MAN1C1: variants seen among roughly 807,000 people sequenced by gnomAD.
The protein encoded by MAN1C1 is mannosidase alpha class 1C member 1.
MAN1C1 carries 49 observed loss-of-function variants against 71.5 expected under a neutral mutation model. The ratio of observed to expected loss-of-function variants is 0.69; its 90% confidence interval spans 0.54 to 0.87. MAN1C1 has a LOEUF of 0.87. Ranked by LOEUF, MAN1C1 falls within the 40% of genes least tolerant of loss-of-function variation. The pLI is 0.00. For synonymous variants in MAN1C1, 352 were observed against 343.7 expected (o/e 1.02, Z -0.27); for missense variants, 743 against 835.0 (o/e 0.89, Z 1.36).
intron 1 of MAN1C1, among the ~76,000 whole-genome samples, chr1:25,657,313 C>G (rs2045782070): frequency 6.6e-6 from 1 of 152,202 alleles, no homozygotes; most frequent in Admixed American, 6.5e-5. Flanking sequence ...TTCTCAGTGC[C>G]TCTTCCCCAG....
At position 25,744,766 on chromosome 1, in the gene MAN1C1, G is replaced by T. The variant is rs190410891; in HGVS notation, c.638-1902G>T. On this transcript the variant is annotated intron_variant, in intron 2 of 11. Transcript: ENST00000374332. ...GTCAACACAAGTGAGCAGTTAGGAA[G>T]CACTCATTAAGGAGATTAGAGGCTA... 4.1e-4 allele frequency among the ~76,000 whole-genome samples: 63 copies of T among 152,346 alleles called. No homozygotes were observed. In the East Asian group the frequency reaches 0.012, roughly 29 times the overall value.
At position 25,778,418 on chromosome 1, in the gene MAN1C1, T is replaced by C. The variant is rs2047650525; in HGVS notation, c.1477+94T>C. 3.9e-6 allele frequency: 5 copies of C among 1,289,118 alleles called. 1 individual carries two copies. In the African/African-American group the frequency reaches 6.0e-5, roughly 15 times the overall value. 79.9% of individuals were successfully genotyped at this position (1,289,118 alleles called of 1,614,324 possible). ...GGCAGCAGTGAGCGAAGGGAGCACA[T>C]GGCCTTAGGGAAGCCTCCCCTTGGA... On this transcript the variant is annotated intron_variant, in intron 9 of 11. Coordinates refer to ENST00000374332, the MANE Select transcript of MAN1C1 (RefSeq NM_020379.4). This position sits in a 1 kb window ranked among gnomAD's most constrained non-coding sequence, Gnocchi z 5.5.
chr1:25,637,370 A>G (rs1330604777), intron 1 of MAN1C1, among the ~76,000 whole-genome samples: 2 of 152,040 alleles, frequency 1.3e-5, no homozygotes, highest in African/African-American at 2.4e-5. Flanking sequence ...TTAATTTTCC[A>G]GATATCTTTT....
At chr1:25,767,942 C>A (rs2047468413) in intron 7 of MAN1C1, among the ~76,000 whole-genome samples, 1 of 122,400 alleles carries the variant, frequency 8.2e-6, no homozygotes, top group Non-Finnish European at 1.7e-5. Context: ...CACACACCCA[C>A]ACTCCCCTCA....
chr1:25,689,784 G>A (rs2046281890), intron 2 of MAN1C1, among the ~76,000 whole-genome samples: 2 of 152,230 alleles, frequency 1.3e-5, no homozygotes, highest in Non-Finnish European at 2.9e-5. Context: ...TCAGGTGGCA[G>A]GTTGTGCCCA....
At position 25,764,808 on chromosome 1, in the gene MAN1C1, G is replaced by A. The variant is rs2047406968; in HGVS notation, c.1141+841G>A. 6.6e-6 allele frequency among the ~76,000 whole-genome samples: 1 copy of A among 152,106 alleles called. No homozygotes were observed. The highest frequency in any genetic ancestry group is 6.5e-5 in the Admixed American group (1 of 15,280). ...CATGAATTCAGGCCAAGCACCTGAC[G>A]GGAGGCCGAGGCAGGCGGATCACGA... On this transcript the variant is annotated intron_variant, in intron 7 of 11. Coordinates refer to ENST00000374332, the MANE Select transcript of MAN1C1 (RefSeq NM_020379.4). The surrounding 1 kb of genome is among the most constrained non-coding windows in gnomAD (Gnocchi z 4.4).
chr1:25,658,016 G>C (rs905707944), intron 1 of MAN1C1, among the ~76,000 whole-genome samples: 1 of 152,214 alleles, frequency 6.6e-6, no homozygotes, highest in Non-Finnish European at 1.5e-5. Context: ...GCCCTGTGGT[G>C]CTCTACACCA....
intron 1 of MAN1C1, among the ~76,000 whole-genome samples, chr1:25,627,853 CA>C (rs1319793889): frequency 7.0e-6 from 1 of 143,116 alleles, no homozygotes; most frequent in African/African-American, 2.6e-5. Flanking sequence ...GGCAACATGG[CA>C]AAACCCAATC....
At chr1:25,720,972 T>A (rs757492915) in intron 2 of MAN1C1, among the ~76,000 whole-genome samples, 1 of 152,258 alleles carries the variant, frequency 6.6e-6, no homozygotes, top group Non-Finnish European at 1.5e-5. Flanking sequence ...CAAAACTTAG[T>A]TGAGCATAGT....
chr1:25,707,017 G>A (rs1173037473), intron 2 of MAN1C1, among the ~76,000 whole-genome samples: 5 of 152,352 alleles, frequency 3.3e-5, no homozygotes, highest in South Asian at 4.1e-4. Flanking sequence ...AGAATGGGGA[G>A]GGCTTGCCCT....
chr1:25,652,459 C>A (rs1163513857), intron 1 of MAN1C1, among the ~76,000 whole-genome samples: 1 of 152,238 alleles, frequency 6.6e-6, no homozygotes, highest in Non-Finnish European at 1.5e-5. Flanking sequence ...CCAGCCCTTC[C>A]CACCCCACAG....
chr1:25,752,154 G>A (rs188915977), intron 4 of MAN1C1, among the ~76,000 whole-genome samples: 41 of 152,172 alleles, frequency 2.7e-4, no homozygotes, highest in Admixed American at 9.2e-4. Context: ...AGCTGCACAC[G>A]TGAGGTTGGC....
chr1:25,734,939 A>G (rs1481663031), intron 2 of MAN1C1, among the ~76,000 whole-genome samples: 3 of 152,238 alleles, frequency 2.0e-5, no homozygotes, highest in Non-Finnish European at 4.4e-5. Context: ...TTCACGGAGG[A>G]AGAAACATTT....
At chr1:25,741,254 A>C (rs2047060545) in intron 2 of MAN1C1, among the ~76,000 whole-genome samples, 1 of 152,148 alleles carries the variant, frequency 6.6e-6, no homozygotes, top group African/African-American at 2.4e-5. Flanking sequence ...TGCTGGGATT[A>C]CAGGCGTGAG....
intron 7 of MAN1C1, among the ~76,000 whole-genome samples, chr1:25,765,056 A>C (rs1161279706): frequency 2.0e-5 from 3 of 152,108 alleles, no homozygotes; most frequent in Non-Finnish European, 4.4e-5. Flanking sequence ...CCAAAAAAAA[A>C]CAAAAGACGT....
Position 25,682,973 on chromosome 1 carries a change from G to C in MAN1C1, c.541-3467G>C, listed in dbSNP as rs140093459. 9.7e-3 allele frequency among the ~76,000 whole-genome samples: 1,477 copies of C among 151,880 alleles called. 28 individuals carry two copies. The highest frequency in any genetic ancestry group is 0.032 in the African/African-American group (1,312 of 41,366). On this transcript the variant is annotated intron_variant, in intron 1 of 11. Transcript: ENST00000374332. ...GAATTGCTTGAGTCTGGGAGGCAGA[G>C]GTTGTGGTAAGCTGAGATTTCGCCA...
At chr1:25,635,607 G>A (rs144476082) in intron 1 of MAN1C1, among the ~76,000 whole-genome samples, 3,013 of 151,836 alleles carry the variant, frequency 0.02, 102 homozygotes, top group African/African-American at 0.068. Context: ...GTGCCACCAC[G>A]CCTGGCTAAT....
In MAN1C1 at chr1:25,616,800, C is replaced by A. The variant is rs2045102139; in HGVS notation, c.-998C>A. Among the ~76,000 whole-genome samples the A allele has an allele frequency of 6.8e-6, 1 of 147,034 alleles. No homozygotes were observed. Among genetic ancestry groups the A allele is most frequent in the African/African-American group, 2.4e-5 (1 of 40,868 alleles). The stretch of plus-strand genomic sequence containing the variant: ...CGGCGGGCGCTGTCGCAGTGAAAGC[C>A]CGAGCGGCGGCGGCGGCGGGGACGG... On this transcript the variant is annotated 5_prime_UTR_variant, in exon 1 of 12. Coordinates refer to ENST00000374332, the MANE Select transcript of MAN1C1 (RefSeq NM_020379.4). The surrounding 1 kb of genome is among the most constrained non-coding windows in gnomAD (Gnocchi z 5.6).
chr1:25,696,578 G>A (rs1400420079), intron 2 of MAN1C1, among the ~76,000 whole-genome samples: 1 of 152,090 alleles, frequency 6.6e-6, no homozygotes, highest in Non-Finnish European at 1.5e-5. Context: ...CACCCTAAAA[G>A]GTTCTCTCAG....
Sources: allele counts gnomAD v4.1 joint callset (sites outside exome capture counted in the v4.1 genomes callset), GRCh38; gene constraint gnomAD v4.1.1; non-coding constraint Gnocchi (gnomAD v3.1); transcripts MANE v1.5; gene names NCBI Gene and HGNC (gene_info 2026-07-23, HGNC 2026-07-21).